The following RARB variants were observed in gnomAD, a reference collection of about 807,000 sequenced individuals.
RARB encodes retinoic acid receptor beta, also known as HBV-activated protein.
RARB carries 17 observed loss-of-function variants against 51.9 expected under a neutral mutation model. The ratio of observed to expected loss-of-function variants is 0.33; its 90% CI spans 0.22 to 0.49. The LOEUF is 0.49. Ranked by LOEUF, RARB falls within the 20% of genes least tolerant of loss-of-function variation. The pLI, the probability that RARB is intolerant of heterozygous loss-of-function variation, is 0.99. For missense variants in RARB, 369 were observed against 550.8 expected, an observed-to-expected ratio of 0.67 and a Z score of 3.30; for synonymous variants, 215 against 195.4, an observed-to-expected ratio of 1.10 and a Z score of -0.84.
At chr3:24,886,429 A>C (rs928342826) in intron 2 of RARB, among the ~76,000 whole-genome samples, 1 of 146,318 alleles carries the variant, frequency 6.8e-6, no homozygotes, top group Non-Finnish European at 1.5e-5. Context: ...CTCCCAGCAT[A>C]AAGTATCTGT....
chr3:24,861,148 T>A (rs575909425), intron 2 of RARB, among the ~76,000 whole-genome samples: 10 of 152,346 alleles, frequency 6.6e-5, no homozygotes, highest in Non-Finnish European at 1.0e-4. Context: ...CTGTACTGAA[T>A]GTATATAGGC....
At chr3:25,237,700 C>T (rs1365729822) in intron 5 of RARB, among the ~76,000 whole-genome samples, 1 of 152,060 alleles carries the variant, frequency 6.6e-6, no homozygotes. Context: ...TTATATCACC[C>T]CAAAAAGAAA....
rs1339370295 is a variant in RARB, at chr3:25,291,876, C to G, written c.178+117301C>G. ...ACATTCAGAGGCATAAGCACAGAGGCACAAAAGAACATCCTTTTGTTCTGA... is the reference window on the plus strand; with the variant it reads ...ACATTCAGAGGCATAAGCACAGAGGGACAAAAGAACATCCTTTTGTTCTGA... On this transcript the variant is annotated intron_variant, in intron 5 of 11. Transcript: ENST00000383772. 3.9e-5 allele frequency among the ~76,000 whole-genome samples: 6 copies of G among 152,080 alleles called. No individual in the cohort carries two copies. The East Asian group carries it at 1.2e-3, about 29-fold the overall frequency.
chr3:24,952,627 C>T (rs773370753), intron 2 of RARB, among the ~76,000 whole-genome samples: 4 of 152,146 alleles, frequency 2.6e-5, no homozygotes, highest in Non-Finnish European at 4.4e-5. Context: ...CGTGGCACAG[C>T]AGGTGCTCAG....
intron 2 of RARB, among the ~76,000 whole-genome samples, chr3:24,882,045 A>T (rs1437687818): frequency 6.6e-6 from 1 of 152,248 alleles, no homozygotes; most frequent in Non-Finnish European, 1.5e-5. Flanking sequence ...GAATATTGAA[A>T]AAATGAAAGT....
At chr3:25,339,658 A>G (rs994174142) in intron 5 of RARB, among the ~76,000 whole-genome samples, 2 of 151,660 alleles carry the variant, frequency 1.3e-5, no homozygotes, top group Non-Finnish European at 2.9e-5. Context: ...TGGTTTTAAC[A>G]CATACACCCA....
At chr3:25,148,695 CAT>C (rs1168928860) in intron 4 of RARB, among the ~76,000 whole-genome samples, 1 of 152,168 alleles carries the variant, frequency 6.6e-6, no homozygotes, top group Non-Finnish European at 1.5e-5. Flanking sequence ...TCAGTTTCCT[CAT>C]GTGTAAAGAG....
At chr3:25,424,426 C>A (rs555129903), upstream of RARB, among the ~76,000 whole-genome samples, 1 of 152,210 alleles carries the variant, frequency 6.6e-6, no homozygotes, top group African/African-American at 2.4e-5. Context: ...CTGGGAAGAG[C>A]CTCATACTTG....
intron 5 of RARB, among the ~76,000 whole-genome samples, chr3:25,583,804 A>G (rs1011707794): frequency 6.6e-6 from 1 of 152,172 alleles, no homozygotes; most frequent in Non-Finnish European, 1.5e-5. Context: ...TTCCCACAGG[A>G]GCCAAGTAGC....
chr3:24,886,961 C>T lies in RARB; in HGVS notation c.-380+28209C>T, dbSNP rs942012608. ...TCCCGTTGGGAGTTTTGCATACAAACTTTTAATAAAACATTGTATTAATAG... is the reference window on the plus strand; with the variant it reads ...TCCCGTTGGGAGTTTTGCATACAAATTTTTAATAAAACATTGTATTAATAG... On this transcript the variant is annotated intron_variant, in intron 2 of 11. Coordinates refer to the RARB transcript ENST00000383772. 3.3e-5 allele frequency among the ~76,000 whole-genome samples: 5 copies of T among 152,196 alleles called. No homozygotes were observed. The South Asian group carries it at 1.0e-3, about 31-fold the overall frequency.
In RARB at chr3:25,409,481, G is replaced by C. The variant is rs370972046; in HGVS notation, c.179-51712G>C. On this transcript the variant is annotated intron_variant, in intron 5 of 11. Transcript: ENST00000383772. Reference sequence around the variant, plus strand: ...ATTCAAAATTTGTGTTAACTCTGTAGTGCCATAGGGTGTAAGAACCTTCTC... The same window carrying C: ...ATTCAAAATTTGTGTTAACTCTGTACTGCCATAGGGTGTAAGAACCTTCTC... Among the ~76,000 whole-genome samples the C allele has an allele frequency of 2.6e-5, 4 of 152,096 alleles. No individual in the cohort carries two copies. The East Asian group carries it at 7.7e-4, about 29-fold the overall frequency.
intron 2 of RARB, among the ~76,000 whole-genome samples, chr3:24,942,360 G>T (rs935173708): frequency 2.0e-5 from 3 of 152,128 alleles, no homozygotes; most frequent in African/African-American, 7.2e-5. Flanking sequence ...AATTTGAAAT[G>T]GGCCTTAGGG....
At chr3:24,973,515 T>G (rs1229447880) in intron 2 of RARB, among the ~76,000 whole-genome samples, 1 of 152,060 alleles carries the variant, frequency 6.6e-6, no homozygotes, top group East Asian at 1.9e-4. Context: ...AACTCATATT[T>G]TGTTAGGGAT....
At chr3:25,543,301 A>C (rs1699462413) in intron 3 of RARB, among the ~76,000 whole-genome samples, 1 of 152,314 alleles carries the variant, frequency 6.6e-6, no homozygotes, top group East Asian at 1.9e-4. Flanking sequence ...GCTGGCTGCT[A>C]ATATTTTCTT....
At chr3:25,399,520 C>T (rs1707208514) in intron 5 of RARB, among the ~76,000 whole-genome samples, 1 of 152,166 alleles carries the variant, frequency 6.6e-6, no homozygotes, top group African/African-American at 2.4e-5. Context: ...CTGAAATACA[C>T]ACACAATGCT....
chr3:25,207,694 C>T (rs1369383969), intron 5 of RARB, among the ~76,000 whole-genome samples: 1 of 152,134 alleles, frequency 6.6e-6, no homozygotes, highest in Non-Finnish European at 1.5e-5. Flanking sequence ...GTGCTGTTCC[C>T]TAACATACCC....
intron 2 of RARB, among the ~76,000 whole-genome samples, chr3:25,051,059 G>A (rs879738641): frequency 1.3e-5 from 2 of 152,264 alleles, no homozygotes; most frequent in East Asian, 3.9e-4. Context: ...AGGAGGTAGA[G>A]AGAAATGTGT....
At chr3:25,440,018 T>C (rs531038853) in intron 1 of RARB, among the ~76,000 whole-genome samples, 1 of 152,338 alleles carries the variant, frequency 6.6e-6, no homozygotes, top group South Asian at 2.1e-4. Flanking sequence ...TTTTGGTTTT[T>C]TTCTAATCTT....
intron 3 of RARB, among the ~76,000 whole-genome samples, chr3:25,106,143 C>T (rs1027958735): frequency 2.8e-4 from 42 of 152,044 alleles, no homozygotes; most frequent in African/African-American, 9.7e-4. Context: ...AATGGGAGTG[C>T]ATTAAAAAAT....
Sources: allele counts gnomAD v4.1 joint callset (sites outside exome capture counted in the v4.1 genomes callset), GRCh38; gene constraint gnomAD v4.1.1; transcripts MANE v1.5; gene names NCBI Gene and HGNC (gene_info 2026-07-23, HGNC 2026-07-21).